Variants in AHNAK2 observed in about 807,000 individuals in gnomAD.
The protein encoded by AHNAK2 is protein AHNAK2.
A neutral mutation model predicts 30.7 loss-of-function variants in AHNAK2; 18 were observed. That is an observed-to-expected ratio of 0.59 (90% CI 0.41 to 0.87). The LOEUF (loss-of-function observed/expected upper bound fraction) is 0.87. AHNAK2 is among the 40% of genes least tolerant of loss of function. The pLI is 0.00. For synonymous variants in AHNAK2, 3,590 were observed against 3,073.8 expected, an observed-to-expected ratio of 1.17 and a Z score of -5.56; for missense variants, 8,604 against 7,373.0, an observed-to-expected ratio of 1.17 and a Z score of -6.11.
At chr14:104,969,566 G>A (rs1442475760) in intron 1 of AHNAK2, among the ~76,000 whole-genome samples, 2 of 152,230 alleles carry the variant, frequency 1.3e-5, no homozygotes, top group Admixed American at 6.5e-5. Flanking sequence ...CACACAGTAG[G>A]TGCATAATAA....
Position 104,945,718 on chromosome 14 carries a change from G to C in AHNAK2, c.9733C>G (p.Gln3245Glu). 6.2e-7 allele frequency: 1 copy of C among 1,601,208 alleles called. No homozygotes were observed. Among genetic ancestry groups the C allele is most frequent in the African/African-American group, 1.4e-5 (1 of 73,578 alleles). The change falls in exon 7 of 7, where the codon CAG (glutamine) becomes GAG (glutamate). Residue 3245 changes from glutamine to glutamate, a missense_variant. Coordinates refer to ENST00000333244, the MANE Select transcript of AHNAK2 (RefSeq NM_138420.4). ...AGCTTGGGGCCCTTGATGTCTATCT[G>C]GGGGCCCTTGCGATCTACTTTGGGC... ...KMPKVDRKGP[Q>E]IDIKGPKLDL...
rs1273633105 is a variant in AHNAK2, at chr14:104,939,408, G to A, written c.16043C>T (p.Ser5348Phe). The change falls in exon 7 of 7, where the codon TCT becomes TTT. Residue 5348 changes from serine (S) to phenylalanine (F), a missense_variant. Transcript: ENST00000333244. Reference protein sequence around the residue: ...ASMEDKTEKWSSQPEGPLKLK... With the variant: ...ASMEDKTEKWFSQPEGPLKLK... ...TTTAAGTGGACCTTCAGGCTGGGAA[G>A]ACCATTTCTCTGTTTTATCCTCCAT... 1.2e-6 allele frequency: 2 copies of A among 1,613,446 alleles called. No homozygotes were observed. Among genetic ancestry groups the A allele is most frequent in the Middle Eastern group, 1.6e-4 (1 of 6,084 alleles).
chr14:104,976,053 G>C (rs1489080529), intron 1 of AHNAK2, among the ~76,000 whole-genome samples: 1 of 152,132 alleles, frequency 6.6e-6, no homozygotes, highest in Non-Finnish European at 1.5e-5. Context: ...TGCTTTCTTG[G>C]GGGGTCGTGG....
rs772057708 is a variant in AHNAK2 at position 104,942,711 on chromosome 14, C to G, written c.12740G>C (p.Gly4247Ala). The change falls in exon 7 of 7, where the codon GGC (glycine) becomes GCC (alanine). Residue 4247 changes from glycine to alanine, a missense_variant. Coordinates refer to ENST00000333244, the MANE Select transcript of AHNAK2 (RefSeq NM_138420.4). ...DVKGPKLDLK[G>A]PKADVMTPVV... The stretch of plus-strand genomic sequence containing the variant: ...GGGGGTCATCACATCCGCCTTGGGG[C>G]CTTTCAGGTCCAGCTTGGGGCCCTT... 6.2e-6 allele frequency: 10 copies of G among 1,613,336 alleles called. 1 individual carries two copies. The South Asian group carries it at 8.8e-5, about 14-fold the overall frequency.
chr14:104,972,870 C>T (rs1419834265), intron 1 of AHNAK2, among the ~76,000 whole-genome samples: 2 of 152,206 alleles, frequency 1.3e-5, no homozygotes, highest in African/African-American at 2.4e-5. Context: ...GCCCACAGCA[C>T]GGTGCAGACA....
Position 104,940,529 on chromosome 14 carries a change from C to G in AHNAK2, c.14922G>C (p.Lys4974Asn). 6 of 1,613,760 alleles carry G rather than the reference C, an allele frequency of 3.7e-6. No individual in the cohort carries two copies. Among genetic ancestry groups the G allele is most frequent in the Non-Finnish European group, 5.1e-6 (6 of 1,179,874 alleles). ...RWSPKKETGP[K>N]VDPECSVEDS... The stretch of plus-strand genomic sequence containing the variant: ...CCTCCACGCTGCATTCTGGGTCCAC[C>G]TTTGGCCCTGTTTCCTTCTTCGGGG... The change falls in exon 7 of 7, where the codon AAG (lysine) becomes AAC (asparagine). Residue 4974 changes from lysine (K) to asparagine (N), a missense_variant. Transcript: ENST00000333244. This position sits in a 1 kb window ranked among gnomAD's most constrained non-coding sequence, Gnocchi z 4.4.
chr14:104,946,217 T>C lies in AHNAK2; in HGVS notation c.9234A>G (p.Gly3078=), dbSNP rs12436986. 9 of 1,577,264 alleles carry C rather than the reference T, an allele frequency of 5.7e-6. No homozygotes were observed. In the East Asian group the frequency reaches 1.8e-4, roughly 32 times the overall value. ...SFKMPKVDRK[G]PQIDVKGPKL... is the part of the protein sequence containing the mutation. ...TGGGGCCCTTGACATCTATCTGGGG[T>C]CCCTTGCGATCTACTTTGGGCATCT... Residue 3078 remains glycine (G), a synonymous_variant, in exon 7 of 7, where the codon GGA becomes GGG. Transcript: ENST00000333244.
chr14:104,969,904 C>T (rs916497749), intron 1 of AHNAK2, among the ~76,000 whole-genome samples: 25 of 152,268 alleles, frequency 1.6e-4, no homozygotes, highest in Middle Eastern at 3.4e-3. Context: ...TCGCCCCAGG[C>T]CCCCACAGCC....
At position 104,950,937 on chromosome 14, in the gene AHNAK2, A is replaced by G. The variant is rs201208145; in HGVS notation, c.4514T>C (p.Val1505Ala). 1,135 of 1,538,026 alleles carry G rather than the reference A, an allele frequency of 7.4e-4. 104 individuals carry two copies. The highest frequency in any genetic ancestry group is 4.7e-3 in the African/African-American group (328 of 70,324). Residue 1505 changes from valine to alanine, a missense_variant, in exon 7 of 7, where the codon GTG becomes GCG. Transcript: ENST00000333244. Reference protein sequence around the residue: ...MPKFKMPSFGVSAPGKSIEAS... With the variant: ...MPKFKMPSFGASAPGKSIEAS... Reference sequence around the variant, plus strand: ...CTCGATGGACTTGCCTGGGGCAGACACCCCGAACGACGGCATCTTGAACTT... The same window carrying G: ...CTCGATGGACTTGCCTGGGGCAGACGCCCCGAACGACGGCATCTTGAACTT...
rs767351615 is a variant in AHNAK2, at chr14:104,952,739, G to T, written c.2712C>A (p.Gly904=). Residue 904 remains glycine, a synonymous_variant, in exon 7 of 7, where the codon GGC becomes GGA. Transcript: ENST00000333244. ...TGGGGCCGGCTCCCTCGGGCACAGG[G>T]CCCTCCGGAAGTTTCACATCCACTT... ...AGQVDVKLPE[G]PVPEGAGPKV... is the part of the protein sequence containing the mutation. 1.2e-6 allele frequency: 2 copies of T among 1,612,836 alleles called. No individual in the cohort carries two copies. The highest frequency in any genetic ancestry group is 1.1e-5 in the South Asian group (1 of 91,044).
chr14:104,946,635 A>T lies in AHNAK2; in HGVS notation c.8816T>A (p.Val2939Glu), dbSNP rs773320223. The change falls in exon 7 of 7, where the codon GTG becomes GAG. Residue 2939 changes from valine to glutamate, a missense_variant. Physicochemically the swap from Val to Glu is moderately radical, Grantham distance 121. Transcript: ENST00000333244. ...GTCCACCTCCACGCTGGGCAGAGAC[A>T]CCTCCACGTCGGGGGCCGTCACCTC... ...KAEVTAPDVE[V>E]SLPSVEVDVE... 6.2e-7 allele frequency: 1 copy of T among 1,611,856 alleles called. No individual in the cohort carries two copies. Among genetic ancestry groups the T allele is most frequent in the Non-Finnish European group, 8.5e-7 (1 of 1,179,392 alleles).
At position 104,948,411 on chromosome 14, in the gene AHNAK2, T is replaced by C; in HGVS notation, c.7040A>G (p.Lys2347Arg). 1.2e-6 allele frequency: 2 copies of C among 1,612,244 alleles called. No homozygotes were observed. The highest frequency in any genetic ancestry group is 1.7e-6 in the Non-Finnish European group (2 of 1,179,490). The change falls in exon 7 of 7, where the codon AAG becomes AGG. Residue 2347 changes from lysine (K) to arginine (R), a missense_variant. Transcript: ENST00000333244. ...IEASADVSAL[K>R]VEADVSLPSM... is the part of the protein sequence containing the mutation. ...GGGGAGGCTCACGTCGGCCTCCACC[T>C]TCAACGCAGACACATCCGCTGAGGC...
chr14:104,949,952 G>A lies in AHNAK2; in HGVS notation c.5499C>T (p.Phe1833=), dbSNP rs201235573. The stretch of plus-strand genomic sequence containing the variant: ...TGGACTTGCCTGGGGCAGACACCCC[G>A]AACGACGGCATCTTGAACTTGGGCA... ...FKMPKFKMPS[F]GVSAPGKSIE... is the part of the protein sequence containing the mutation. Residue 1833 remains phenylalanine, a synonymous_variant, in exon 7 of 7, where the codon TTC becomes TTT. Coordinates refer to ENST00000333244, the MANE Select transcript of AHNAK2 (RefSeq NM_138420.4). The A allele has an allele frequency of 9.9e-4, 1,558 of 1,581,300 alleles. 59 individuals carry two copies. In the African/African-American group the frequency reaches 0.014, roughly 14 times the overall value.
At position 104,948,733 on chromosome 14, in the gene AHNAK2, G is replaced by A. The variant is rs750761596; in HGVS notation, c.6718C>T (p.Gln2240Ter). Residue 2240 changes from glutamine to a stop codon, truncating the protein, a stop_gained, in exon 7 of 7, where the codon CAG becomes TAG. Coordinates refer to ENST00000333244, the MANE Select transcript of AHNAK2 (RefSeq NM_138420.4). LOFTEE classifies it low-confidence loss of function (END_TRUNC). ...VGLKGHLPKL[Q>*]MPSFKVPKVD... The stretch of plus-strand genomic sequence containing the variant: ...TTGGGCACCTTGAAACTGGGCATCT[G>A]CAGCTTGGGCAGGTGCCCTTTGAGG... 5 of 1,610,672 alleles carry A rather than the reference G, an allele frequency of 3.1e-6. No individual in the cohort carries two copies. In the Middle Eastern group the frequency reaches 5.0e-4, roughly 160 times the overall value.
At position 104,970,371 on chromosome 14, in the gene AHNAK2, C is replaced by G. The variant is rs550982226; in HGVS notation, c.55+7812G>C. On this transcript the variant is annotated intron_variant, in intron 1 of 6. Transcript: ENST00000333244. ...AGCCCAGCTCTGTTCCTCCAGCCCC[C>G]CTTGCTGGTGGCCTGCTGGCCCCCA... 1,796 of 965,232 alleles carry G rather than the reference C, an allele frequency of 1.9e-3. 3 individuals are homozygous for G. The highest frequency in any genetic ancestry group is 6.4e-3 in the Middle Eastern group (12 of 1,884). 59.8% of individuals were successfully genotyped at this position (965,232 alleles called of 1,614,324 possible).
At position 104,941,200 on chromosome 14, in the gene AHNAK2, C is replaced by A; in HGVS notation, c.14251G>T (p.Ala4751Ser). ...ATCTGCATGGATGGCTCTGAACAAG[C>A]CGAAACCTGTTGTAATTCAAAACTT... Reference protein sequence around the residue: ...CSSFELQQVSACSEPSMQMPK... With the variant: ...CSSFELQQVSSCSEPSMQMPK... Residue 4751 changes from alanine to serine, a missense_variant, in exon 7 of 7, where the codon GCT becomes TCT. Physicochemically the swap from Ala to Ser is moderately conservative, Grantham distance 99 (BLOSUM62 1). Transcript: ENST00000333244. 1 of 1,613,554 alleles carries A rather than the reference C, an allele frequency of 6.2e-7. No individual in the cohort carries two copies. Among genetic ancestry groups the A allele is most frequent in the Non-Finnish European group, 8.5e-7 (1 of 1,179,890 alleles).
intron 1 of AHNAK2, among the ~76,000 whole-genome samples, chr14:104,961,466 G>C (rs537081649): frequency 1.1e-4 from 16 of 150,570 alleles, no homozygotes; most frequent in African/African-American, 2.7e-4. Context: ...AGTGAGCCGA[G>C]ATCGCGTCAC....
intron 1 of AHNAK2, among the ~76,000 whole-genome samples, chr14:104,959,202 T>C (rs1899064912): frequency 1.3e-5 from 2 of 152,170 alleles, no homozygotes; most frequent in Admixed American, 6.5e-5. Flanking sequence ...AGACGGAGTC[T>C]CACTCTGTCA....
Position 104,951,108 on chromosome 14 carries a change from G to A in AHNAK2, c.4343C>T (p.Thr1448Ile), listed in dbSNP as rs772252827. 4.7e-6 allele frequency: 5 copies of A among 1,066,612 alleles called. 2 individuals carry two copies. Among genetic ancestry groups the A allele is most frequent in the Non-Finnish European group, 5.4e-6 (4 of 735,770 alleles). The allele number at this position is 1,066,612 out of a possible 1,614,324, so 66.1% of individuals were successfully genotyped here. ...LDLKDPKVEV[T>I]APDVEVSLPS... is the part of the protein sequence containing the mutation. ...CAGAGAAACCTCCACATCAGGGGCT[G>A]TCACTTCCACCTTGGGGTCTTTTAG... is the stretch of plus-strand genomic sequence containing the variant. Residue 1448 changes from threonine (T) to isoleucine (I), a missense_variant, in exon 7 of 7, where the codon ACA becomes ATA. By Grantham distance (89) the Thr-to-Ile change is moderately conservative (BLOSUM62 -1). Coordinates refer to ENST00000333244, the MANE Select transcript of AHNAK2 (RefSeq NM_138420.4).
Sources: allele counts gnomAD v4.1 joint callset (sites outside exome capture counted in the v4.1 genomes callset), GRCh38; gene constraint gnomAD v4.1.1; non-coding constraint Gnocchi (gnomAD v3.1); transcripts MANE v1.5; gene names NCBI Gene and HGNC (gene_info 2026-07-23, HGNC 2026-07-21).